Variants in CADPS2 observed in about 807,000 individuals in gnomAD.
CADPS2 encodes calcium dependent secretion activator 2, also known as calcium-dependent secretion activator 2.
CADPS2 carries 93 observed loss-of-function variants against 172.5 expected under a neutral mutation model. That is an observed-to-expected ratio of 0.54 (90% CI 0.46 to 0.64). CADPS2 has a LOEUF of 0.64. Ranked by LOEUF, CADPS2 falls within the 30% of genes least tolerant of loss-of-function variation. The pLI, the probability that CADPS2 is intolerant of heterozygous loss-of-function variation, is 0.00. For synonymous variants in CADPS2, 546 were observed against 555.2 expected (o/e 0.98, Z 0.23); for missense variants, 1,420 against 1,565.9 (o/e 0.91, Z 1.57).
chr7:122,533,500 G>T (rs2061961988), intron 8 of CADPS2, among the ~76,000 whole-genome samples: 2 of 152,082 alleles, frequency 1.3e-5, no homozygotes, highest in South Asian at 4.1e-4. Flanking sequence ...CTGCTTAACG[G>T]AAGGACAGAA....
chr7:122,400,841 C>T (rs143073583), intron 20 of CADPS2, among the ~76,000 whole-genome samples: 16 of 152,284 alleles, frequency 1.1e-4, no homozygotes, highest in African/African-American at 3.1e-4. Context: ...GAGAATAACA[C>T]GCAGGTGTCA....
chr7:122,538,375 T>A (rs34376614), intron 8 of CADPS2, among the ~76,000 whole-genome samples: 14,739 of 144,156 alleles, frequency 0.1, 870 homozygotes, highest in African/African-American at 0.15. Flanking sequence ...TTTTTTTTTT[T>A]AAAAACACAA....
chr7:122,337,381 G>A (rs1241566601), intron 28 of CADPS2, among the ~76,000 whole-genome samples: 2 of 152,156 alleles, frequency 1.3e-5, no homozygotes, highest in Non-Finnish European at 2.9e-5. Context: ...TGTGTTCCAC[G>A]ATCACATTTC....
At chr7:122,760,728 C>T (rs1005439407) in intron 1 of CADPS2, among the ~76,000 whole-genome samples, 38 of 148,002 alleles carry the variant, frequency 2.6e-4, no homozygotes, top group Non-Finnish European at 3.5e-4. Context: ...AACCAAACAC[C>T]GCATGTTCTC....
intron 7 of CADPS2, among the ~76,000 whole-genome samples, chr7:122,578,337 A>G (rs938710047): frequency 4.6e-5 from 7 of 152,086 alleles, no homozygotes; most frequent in Admixed American, 3.9e-4. Flanking sequence ...TAACAACCTA[A>G]AGTCTAAAGC....
At chr7:122,723,076 C>T (rs1418673118) in intron 2 of CADPS2, among the ~76,000 whole-genome samples, 1 of 151,906 alleles carries the variant, frequency 6.6e-6, no homozygotes, top group African/African-American at 2.4e-5. Context: ...CCATAAAAAC[C>T]CTAGAAGAAA....
At chr7:122,801,349 ACTC>A (rs1382421816) in intron 1 of CADPS2, among the ~76,000 whole-genome samples, 1 of 152,172 alleles carries the variant, frequency 6.6e-6, no homozygotes, top group Non-Finnish European at 1.5e-5. Flanking sequence ...TATTAAAAAA[ACTC>A]CTAAAGAAAT....
chr7:122,616,028 G>A (rs2074875085), intron 5 of CADPS2, among the ~76,000 whole-genome samples: 1 of 151,984 alleles, frequency 6.6e-6, no homozygotes, highest in African/African-American at 2.4e-5. Flanking sequence ...TTTTATGTGT[G>A]CTTTTTAATG....
chr7:122,676,746 G>A, intron 2 of CADPS2: 2 of 1,376,870 alleles, frequency 1.5e-6, no homozygotes, highest in Non-Finnish European at 2.0e-6. Flanking sequence ...GGCAGATCCA[G>A]ATTATCATGG....
chr7:122,374,836 C>T (rs945362549), intron 25 of CADPS2, among the ~76,000 whole-genome samples: 1 of 152,114 alleles, frequency 6.6e-6, no homozygotes, highest in Middle Eastern at 3.2e-3. Context: ...CAAAAGTGCA[C>T]ATTCTGCACA....
In CADPS2 at chr7:122,381,989, G is replaced by T. The variant is rs1485712441; in HGVS notation, c.3313-2547C>A. Among the ~76,000 whole-genome samples, 3 of 152,192 alleles carry T rather than the reference G, an allele frequency of 2.0e-5. No individual in the cohort carries two copies. In the East Asian group the frequency reaches 5.8e-4, roughly 30 times the overall value. ...CTGGGAACTTTCAGAATCTGCTCTG[G>T]CTGTGCAGTTGGTGGAGGTCGTATA... On this transcript the variant is annotated intron_variant, in intron 24 of 29. Transcript: ENST00000449022.
chr7:122,654,919 T>C (rs1470218753), intron 3 of CADPS2, among the ~76,000 whole-genome samples: 1 of 152,216 alleles, frequency 6.6e-6, no homozygotes, highest in African/African-American at 2.4e-5. Flanking sequence ...AATGTCAACA[T>C]GAACAGGCAT....
chr7:122,521,143 T>G (rs539137982), intron 8 of CADPS2, among the ~76,000 whole-genome samples: 1 of 152,200 alleles, frequency 6.6e-6, no homozygotes, highest in Non-Finnish European at 1.5e-5. Context: ...GAAACCTCAG[T>G]CAAGGTTGAA....
At chr7:122,541,705 T>G (rs1048035887) in intron 8 of CADPS2, among the ~76,000 whole-genome samples, 4 of 146,010 alleles carry the variant, frequency 2.7e-5, no homozygotes, top group African/African-American at 7.4e-5. Flanking sequence ...GTTTATATAT[T>G]CATATATTTA....
At chr7:122,477,091 A>C (rs1351413119) in intron 12 of CADPS2, among the ~76,000 whole-genome samples, 2 of 149,556 alleles carry the variant, frequency 1.3e-5, no homozygotes, top group Non-Finnish European at 3.0e-5. Context: ...AGGGAGAGAG[A>C]GAGGTAGGTA....
intron 2 of CADPS2, among the ~76,000 whole-genome samples, chr7:122,704,156 T>TA (rs1333881790): frequency 6.6e-6 from 1 of 152,132 alleles, no homozygotes; most frequent in Non-Finnish European, 1.5e-5. Flanking sequence ...ATAGACATGA[T>TA]AGAGTTTTCT....
chr7:122,436,713 C>T (rs2050688683), intron 17 of CADPS2, among the ~76,000 whole-genome samples: 1 of 151,962 alleles, frequency 6.6e-6, no homozygotes, highest in South Asian at 2.1e-4. Flanking sequence ...GAAGTGACTT[C>T]AGAAAGGGAA....
chr7:122,358,396 T>C (rs1054656972), intron 27 of CADPS2, among the ~76,000 whole-genome samples: 1 of 152,142 alleles, frequency 6.6e-6, no homozygotes, highest in Non-Finnish European at 1.5e-5. Context: ...GTTTTGTAAA[T>C]AGTTCTTCCC....
chr7:122,781,385 A>C (rs926371508), intron 1 of CADPS2, among the ~76,000 whole-genome samples: 14 of 152,162 alleles, frequency 9.2e-5, no homozygotes, highest in African/African-American at 3.4e-4. Flanking sequence ...CTTATTTGAC[A>C]AACTCAAATA....
Sources: allele counts gnomAD v4.1 joint callset (sites outside exome capture counted in the v4.1 genomes callset), GRCh38; gene constraint gnomAD v4.1.1; transcripts MANE v1.5; gene names NCBI Gene and HGNC (gene_info 2026-07-23, HGNC 2026-07-21).